The following FBN1 variants were observed in gnomAD, a reference collection of about 807,000 sequenced individuals.
FBN1 encodes the protein fibrillin-1.
A neutral mutation model predicts 365.1 loss-of-function variants in FBN1; 29 were observed. The ratio of observed to expected loss-of-function variants is 0.08; its 90% CI spans 0.06 to 0.11. The LOEUF (loss-of-function observed/expected upper bound fraction) is 0.11, where lower values mean the gene tolerates loss of function less well. Ranked by LOEUF, FBN1 falls within the 10% of genes least tolerant of loss-of-function variation. The pLI, the probability that FBN1 is intolerant of heterozygous loss-of-function variation, is 1.00. For missense variants in FBN1, 2,476 were observed against 3,703.2 expected (o/e 0.67, Z 8.60); for synonymous variants, 1,210 against 1,270.5 (o/e 0.95, Z 1.01).
At position 48,510,236 on chromosome 15, in the gene FBN1, CT is replaced by C. The variant is rs1226461341; in HGVS notation, c.1589-68del. 5 of 1,526,228 alleles carry C rather than the reference CT, an allele frequency of 3.3e-6. No individual in the cohort carries two copies. The East Asian group carries it at 6.9e-5, about 21-fold the overall frequency. The allele number at this position is 1,526,228 out of a possible 1,614,324, so 94.5% of individuals were successfully genotyped here. ...GGAGTTAAAATTATTTTATTTCCCC[CT>C]CCCTCCATTTGCAAACTCATGATCT... On this transcript the variant is annotated intron_variant, in intron 13 of 65. Transcript: ENST00000316623.
Position 48,444,664 on chromosome 15 carries a change from C to A in FBN1, c.5918-4G>T, listed in dbSNP as rs2043140400. 1 of 1,613,008 alleles carries A rather than the reference C, an allele frequency of 6.2e-7. No homozygotes were observed. Among genetic ancestry groups the A allele is most frequent in the East Asian group, 2.2e-5 (1 of 44,838 alleles). On this transcript the variant is annotated splice_region_variant and splice_polypyrimidine_tract_variant and intron_variant, in intron 48 of 65. Transcript: ENST00000316623. Reference sequence around the variant, plus strand: ...TCTAGAAGACATTCATTGATATCTGCAAAGAAAAGGGAAAAATAAGGAAGA... The same window carrying A: ...TCTAGAAGACATTCATTGATATCTGAAAAGAAAAGGGAAAAATAAGGAAGA...
chr15:48,605,181 C>T lies in FBN1; in HGVS notation c.347-4947G>A, dbSNP rs1026057697. The stretch of plus-strand genomic sequence containing the variant: ...AATCTACAGTTTTTACAGAAAAGAA[C>T]TAGAATAGCTAAAACAAAAAAAGGA... On this transcript the variant is annotated intron_variant, in intron 4 of 65. Transcript: ENST00000316623. Among the ~76,000 whole-genome samples the T allele has an allele frequency of 3.3e-5, 5 of 152,132 alleles. No homozygotes were observed. In the South Asian group the frequency reaches 1.0e-3, roughly 32 times the overall value.
intron 6 of FBN1, among the ~76,000 whole-genome samples, chr15:48,586,542 C>T (rs1374542442): frequency 6.6e-6 from 1 of 152,206 alleles, no homozygotes; most frequent in Non-Finnish European, 1.5e-5. Context: ...ACACTGACCA[C>T]ATCAAGCCAT....
At chr15:48,645,098 A>C (rs2140788898) in intron 1 of FBN1, 148 bp from the exon 2 acceptor site, 1 of 210,822 alleles carries the variant, frequency 4.7e-6, no homozygotes, top group Admixed American at 6.0e-5. Flanking sequence ...TTTGGTCCAC[A>C]GCTGGCTGGA....
intron 8 of FBN1, among the ~76,000 whole-genome samples, chr15:48,532,474 ATATG>A (rs987225940): frequency 2.7e-5 from 4 of 147,520 alleles, no homozygotes; most frequent in Non-Finnish European, 6.0e-5. Flanking sequence ...GTGTGTGTGT[ATATG>A]TGTGTGTGTG....
In FBN1 at chr15:48,432,894, C is replaced by A. The variant is rs760867972; in HGVS notation, c.6711G>T (p.Val2237=). 1 of 1,613,714 alleles carries A rather than the reference C, an allele frequency of 6.2e-7. No individual in the cohort carries two copies. Among genetic ancestry groups the A allele is most frequent in the Non-Finnish European group, 8.5e-7 (1 of 1,179,682 alleles). The change falls in exon 55 of 66, where the codon GTG becomes GTT. Residue 2237 remains valine, a synonymous_variant. Transcript: ENST00000316623. ...TGCACATCCTACGGTCTTCTCTGAG[C>A]ACATATCCCACGGGACATTTGCATT... The part of the protein sequence containing the change: ...SYECKCPVGY[V]LREDRRMCKD...
intron 2 of FBN1, among the ~76,000 whole-genome samples, chr15:48,628,836 C>G (rs1342334058): frequency 6.6e-6 from 1 of 152,084 alleles, no homozygotes; most frequent in Non-Finnish European, 1.5e-5. Context: ...ATGCTAATAA[C>G]ACAAAAAGAG....
Position 48,412,584 on chromosome 15 carries a change from A to G in FBN1, c.8211T>C (p.Asp2737=), listed in dbSNP as rs1221183561. The G allele has an allele frequency of 6.2e-7, 1 of 1,613,958 alleles. No individual in the cohort carries two copies. The highest frequency in any genetic ancestry group is 2.2e-5 in the East Asian group (1 of 44,886). Residue 2737 remains aspartate (D), a synonymous_variant, in exon 65 of 66, where the codon GAT becomes GAC. Transcript: ENST00000316623. ...GRKRRSTNET[D]ASNIEDQSET... ...TCTGACCCACCTCGATATTGGAGGC[A>G]TCAGTTTCGTTTGTGCTTCTCCGTT...
At chr15:48,510,484 A>G (rs1430582733) in intron 13 of FBN1, among the ~76,000 whole-genome samples, 2 of 152,204 alleles carry the variant, frequency 1.3e-5, no homozygotes, top group Admixed American at 1.3e-4. Context: ...ACCAGTATAA[A>G]TCACTATTTA....
chr15:48,437,980 C>T (rs2043086367), intron 50 of FBN1, 63 bp from the exon 51 acceptor site: 1 of 1,552,406 alleles, frequency 6.4e-7, no homozygotes, highest in African/African-American at 1.4e-5. Context: ...TGCACCATAG[C>T]AAATAAAGAA....
intron 6 of FBN1, among the ~76,000 whole-genome samples, chr15:48,568,291 A>G (rs141886998): frequency 6.6e-6 from 1 of 152,234 alleles, no homozygotes; most frequent in Non-Finnish European, 1.5e-5. Flanking sequence ...AATAAGATTT[A>G]TAGTAATAAA....
At chr15:48,623,968 A>AACACACACACACACACAC (rs145521473) in intron 2 of FBN1, among the ~76,000 whole-genome samples, 2 of 146,398 alleles carry the variant, frequency 1.4e-5, no homozygotes, top group South Asian at 2.2e-4. Flanking sequence ...CAAAGACACA[A>AACACACACACACACACAC]ACACACACAC....
In FBN1 at chr15:48,445,145, C is replaced by CAT. The variant is rs549747216; in HGVS notation, c.5917+229_5917+230dup. Among the ~76,000 whole-genome samples the CAT allele has an allele frequency of 0.012, 1,250 of 106,770 alleles. 8 individuals carry two copies. The highest frequency in any genetic ancestry group is 0.03 in the South Asian group (105 of 3,456). 70.0% of individuals were successfully genotyped at this position (106,770 alleles called of 152,430 possible). A position where few individuals can be genotyped will look rare whatever the true frequency, so the allele number is the denominator to read the frequency against. ...ACACATATATATATATACACACACACATATATATATACATATATATATACA... is the reference window on the plus strand; with the variant it reads ...ACACATATATATATATACACACACACATATATATATATACATATATATATACA... On this transcript the variant is annotated intron_variant, in intron 48 of 65. Transcript: ENST00000316623.
chr15:48,412,815 G>A (rs1425746023), intron 64 of FBN1, 72 bp from the exon 65 acceptor site: 5 of 1,563,880 alleles, frequency 3.2e-6, no homozygotes, highest in East Asian at 4.5e-5. Context: ...AAGAGTTCTG[G>A]TGAAGCCTGT....
chr15:48,472,529 CA>C, intron 35 of FBN1, 21 bp downstream of exon 35: 1 of 1,613,714 alleles, frequency 6.2e-7, no homozygotes, highest in South Asian at 1.1e-5. Context: ...GCAAGGCTCC[CA>C]GTGGCTTCCC....
chr15:48,524,160 A>G (rs2043886921), intron 9 of FBN1, among the ~76,000 whole-genome samples: 1 of 152,160 alleles, frequency 6.6e-6, no homozygotes, highest in Admixed American at 6.5e-5. Context: ...ACAACCCTAC[A>G]GGCAATATTA....
intron 45 of FBN1, among the ~76,000 whole-genome samples, chr15:48,450,579 TA>T (rs1415171556): frequency 6.6e-6 from 1 of 152,266 alleles, no homozygotes; most frequent in East Asian, 1.9e-4. Context: ...CACAAGGAAG[TA>T]GCTGGGAAGA....
intron 24 of FBN1, among the ~76,000 whole-genome samples, chr15:48,490,596 A>G (rs1019583491): frequency 6.6e-6 from 1 of 152,238 alleles, no homozygotes; most frequent in Non-Finnish European, 1.5e-5. Flanking sequence ...AGAAAAATGC[A>G]AAGAAAAGCC....
At chr15:48,603,378 G>C (rs1439013443) in intron 4 of FBN1, among the ~76,000 whole-genome samples, 1 of 151,972 alleles carries the variant, frequency 6.6e-6, no homozygotes, top group Non-Finnish European at 1.5e-5. Context: ...AACTGTATTC[G>C]TTGTGAGTCT....
Sources: gnomAD v4.1 joint callset for allele counts (sites outside exome capture counted in the v4.1 genomes callset) on GRCh38, gnomAD v4.1.1 for gene constraint, MANE v1.5 for transcripts, NCBI Gene and HGNC (gene_info 2026-07-23, HGNC 2026-07-21) for gene names.